Variants in DNMBP observed in about 807,000 individuals in gnomAD.
DNMBP encodes dynamin-binding protein.
In DNMBP, 87 loss-of-function variants were observed where a neutral mutation model predicts 150.0. The ratio of observed to expected loss-of-function variants is 0.58; its 90% CI spans 0.49 to 0.69. The LOEUF is 0.69. DNMBP is among the 30% of genes least tolerant of loss of function. The pLI is 0.00. For synonymous variants in DNMBP, 711 were observed against 750.4 expected (o/e 0.95, Z 0.86); for missense variants, 1,774 against 1,949.0 (o/e 0.91, Z 1.69).
At chr10:99,971,854 TTC>T (rs1370266961) in intron 2 of DNMBP, 124 bp downstream of exon 2, 1 of 957,522 alleles carries the variant, frequency 1.0e-6, no homozygotes, top group Admixed American at 2.5e-5. Context: ...CTTTCTTTCT[TTC>T]TTTCTTTTTT....
chr10:99,941,704 G>T (rs974690584), intron 4 of DNMBP, among the ~76,000 whole-genome samples: 4 of 152,132 alleles, frequency 2.6e-5, no homozygotes, highest in Non-Finnish European at 4.4e-5. Flanking sequence ...CTGACCTCAG[G>T]TGATCCGCCC....
intron 4 of DNMBP, among the ~76,000 whole-genome samples, chr10:99,913,531 T>C (rs964240832): frequency 6.6e-5 from 10 of 152,166 alleles, no homozygotes; most frequent in Non-Finnish European, 1.2e-4. Context: ...TCTTACTTTC[T>C]TCCTAGGATA....
intron 16 of DNMBP, among the ~76,000 whole-genome samples, chr10:99,879,396 G>C (rs2039328566): frequency 6.6e-6 from 1 of 152,096 alleles, no homozygotes; most frequent in Non-Finnish European, 1.5e-5. Context: ...GCTTGAACTT[G>C]AGAGGTGGAG....
chr10:99,986,442 T>TG (rs1564754686), intron 1 of DNMBP, among the ~76,000 whole-genome samples: 15 of 152,014 alleles, frequency 9.9e-5, no homozygotes, highest in Admixed American at 7.2e-4. Context: ...ATTTATTTGG[T>TG]GGGAAATGTG....
intron 3 of DNMBP, among the ~76,000 whole-genome samples, chr10:99,960,288 T>C (rs184731543): frequency 6.6e-6 from 1 of 152,322 alleles, no homozygotes; most frequent in East Asian, 1.9e-4. Flanking sequence ...TCTATTTTAA[T>C]CTTACAGTTA....
intron 6 of DNMBP, among the ~76,000 whole-genome samples, chr10:99,905,751 G>A (rs139972993): frequency 5.3e-5 from 8 of 152,230 alleles, no homozygotes; most frequent in South Asian, 4.2e-4. Context: ...AGGGAAGATC[G>A]CTTGAGGCCA....
rs2040964923 is a variant in DNMBP, at chr10:99,997,862, A to G, written c.-11+11976T>C. On this transcript the variant is annotated intron_variant, in intron 1 of 16. Transcript: ENST00000324109. ...AGAATCGCTTGAATCCAGGAGGCAAAGGCTGCAGTGAGCTGAGATCACGCC... is the reference window on the plus strand; with the variant it reads ...AGAATCGCTTGAATCCAGGAGGCAAGGGCTGCAGTGAGCTGAGATCACGCC... Among the ~76,000 whole-genome samples, 2 of 141,124 alleles carry G rather than the reference A, an allele frequency of 1.4e-5. 1 individual carries two copies. The highest frequency in any genetic ancestry group is 4.6e-4 in the South Asian group (2 of 4,310). 92.6% of individuals were successfully genotyped at this position (141,124 alleles called of 152,430 possible). A position where few individuals can be genotyped will look rare whatever the true frequency, so the allele number is the denominator to read the frequency against.
chr10:99,955,343 C>G lies in DNMBP; in HGVS notation c.2131G>C (p.Ala711Pro), dbSNP rs774146697. Residue 711 changes from alanine to proline, a missense_variant, in exon 4 of 17, where the codon GCT becomes CCT. By Grantham distance (27) the Ala-to-Pro change is conservative (BLOSUM62 -1). Around this residue, in one of 2 missense-constraint regions of DNMBP, gnomAD observed 1,430 missense variants for 1,492.5 expected, o/e 0.96. Coordinates refer to ENST00000324109, the MANE Select transcript of DNMBP (RefSeq NM_015221.4). ...AGCATGAGGTTTAGCTCTTCTTGAG[C>G]TCTACTGTACATATCCAAGTCCCGC... Reference protein sequence around the residue: ...MERDLDMYSRAQEELNLMLEE... With the variant: ...MERDLDMYSRPQEELNLMLEE... 1.2e-6 allele frequency: 2 copies of G among 1,614,180 alleles called. No homozygotes were observed. The highest frequency in any genetic ancestry group is 1.7e-6 in the Non-Finnish European group (2 of 1,180,018).
chr10:100,004,140 G>A (rs1379857133), intron 1 of DNMBP, among the ~76,000 whole-genome samples: 11 of 151,346 alleles, frequency 7.3e-5, no homozygotes, highest in East Asian at 2.0e-4. Flanking sequence ...AGCTACTTGG[G>A]AGGCTAGAAT....
intron 4 of DNMBP, among the ~76,000 whole-genome samples, chr10:99,922,891 C>T (rs2133269366): frequency 6.6e-6 from 1 of 152,260 alleles, no homozygotes; most frequent in African/African-American, 2.4e-5. Context: ...CTCTCCTTTG[C>T]CTCTTAACTA....
intron 4 of DNMBP, chr10:99,930,312 T>C (rs913233723): frequency 2.8e-6 from 2 of 702,838 alleles, no homozygotes; most frequent in South Asian, 1.5e-5. Context: ...TTTTTTAGAG[T>C]CCTCAGGATT....
intron 4 of DNMBP, among the ~76,000 whole-genome samples, chr10:99,918,239 C>T (rs2039988095): frequency 6.6e-6 from 1 of 152,030 alleles, no homozygotes; most frequent in African/African-American, 2.4e-5. Context: ...ACCTACTTTA[C>T]TTCTACTTGG....
chr10:100,001,233 T>TAAA (rs71009800), intron 1 of DNMBP, among the ~76,000 whole-genome samples: 5 of 21,732 alleles, frequency 2.3e-4, no homozygotes, highest in Non-Finnish European at 5.1e-4. Flanking sequence ...TCCGTCTCAT[T>TAAA]AAAAAAAAAA....
intron 1 of DNMBP, among the ~76,000 whole-genome samples, chr10:99,976,450 C>A (rs1190496317): frequency 6.6e-6 from 1 of 152,166 alleles, no homozygotes; most frequent in African/African-American, 2.4e-5. Context: ...ATCTTTTAGG[C>A]CTTTCTCTTT....
chr10:99,991,733 C>T lies in DNMBP; in HGVS notation c.-11+18105G>A, dbSNP rs188808149. ...CATCCTGGCTAACATGGTGAAACCC[C>T]ATCTCTACTAAAAATACAAAAAGTT... On this transcript the variant is annotated intron_variant, in intron 1 of 16. Transcript: ENST00000324109. 2.5e-3 allele frequency among the ~76,000 whole-genome samples: 382 copies of T among 151,610 alleles called. 3 individuals carry two copies. Among genetic ancestry groups the T allele is most frequent in the Non-Finnish European group, 4.2e-3 (286 of 67,900 alleles).
In DNMBP at chr10:99,876,188, A is replaced by G. The variant is rs2039269236; in HGVS notation, c.*963T>C. The G allele has an allele frequency of 6.6e-6, 1 of 152,240 alleles. No homozygotes were observed. Among genetic ancestry groups the G allele is most frequent in the Admixed American group, 6.5e-5 (1 of 15,286 alleles). The allele number at this position is 152,240 out of a possible 1,614,324, so 9.4% of individuals were successfully genotyped here. On this transcript the variant is annotated 3_prime_UTR_variant, in exon 17 of 17. Transcript: ENST00000324109. ...TTTTAATGGAATGGCTGGAGCTCTC[A>G]TACTGTTACTCTAGGAAAATCTATC...
At chr10:99,990,114 C>G (rs992267159) in intron 1 of DNMBP, among the ~76,000 whole-genome samples, 1 of 152,212 alleles carries the variant, frequency 6.6e-6, no homozygotes, top group African/African-American at 2.4e-5. Context: ...CGTACATTCA[C>G]ATTCCCAGTG....
chr10:99,891,371 C>T (rs897012291), intron 11 of DNMBP, among the ~76,000 whole-genome samples: 9 of 151,600 alleles, frequency 5.9e-5, no homozygotes, highest in African/African-American at 1.7e-4. Flanking sequence ...GACGGGGTTT[C>T]GCTGTGTTGG....
At chr10:99,930,824 T>C (rs770501813) in intron 4 of DNMBP, 18 of 610,806 alleles carry the variant, frequency 2.9e-5, no homozygotes, top group Non-Finnish European at 4.9e-5. Flanking sequence ...GGCTGGGCTG[T>C]GGACAGGTGC....
Sources: gnomAD v4.1 joint callset for allele counts (sites outside exome capture counted in the v4.1 genomes callset) on GRCh38, gnomAD v4.1.1 for gene constraint, gnomAD v4.1.1 regional missense constraint, MANE v1.5 for transcripts, NCBI Gene and HGNC (gene_info 2026-07-23, HGNC 2026-07-21) for gene names.